The following SLC9A9 variants were observed in gnomAD, a reference collection of about 807,000 sequenced individuals.
The protein encoded by SLC9A9 is solute carrier family 9 member A9, also known as sodium/hydrogen exchanger 9.
A neutral mutation model predicts 77.8 loss-of-function variants in SLC9A9; 62 were observed. The observed-to-expected ratio is 0.80, with a 90% CI of 0.65 to 0.98. The LOEUF (loss-of-function observed/expected upper bound fraction) is 0.98, where lower values mean the gene tolerates loss of function less well. SLC9A9 is among the 50% of genes least tolerant of loss of function. SLC9A9 has a pLI of 0.00. For synonymous variants in SLC9A9, 320 were observed against 283.5 expected, an observed-to-expected ratio of 1.13 and a Z score of -1.29; for missense variants, 775 against 774.9, an observed-to-expected ratio of 1.00 and a Z score of 0.00.
At chr3:143,725,652 C>A (rs568585093) in intron 4 of SLC9A9, among the ~76,000 whole-genome samples, 1 of 134,650 alleles carries the variant, frequency 7.4e-6, no homozygotes, top group Non-Finnish European at 1.6e-5. Context: ...AACCAAACAC[C>A]GCATGTTCTC....
chr3:143,537,968 A>G (rs1433050807), intron 9 of SLC9A9, among the ~76,000 whole-genome samples: 1 of 152,226 alleles, frequency 6.6e-6, no homozygotes, highest in African/African-American at 2.4e-5. Flanking sequence ...TTTCACACAT[A>G]TATCACTACA....
At chr3:143,488,184 T>C (rs1349560428) in intron 11 of SLC9A9, among the ~76,000 whole-genome samples, 3 of 151,820 alleles carry the variant, frequency 2.0e-5, no homozygotes, top group Non-Finnish European at 4.4e-5. Context: ...AATACAAAGC[T>C]TACCAAGATT....
chr3:143,393,006 A>T lies in SLC9A9; in HGVS notation c.1470-10892T>A, dbSNP rs147384629. 4.2e-3 allele frequency among the ~76,000 whole-genome samples: 647 copies of T among 152,338 alleles called. 4 individuals are homozygous for T. Among genetic ancestry groups the T allele is most frequent in the African/African-American group, 0.015 (616 of 41,576 alleles). On this transcript the variant is annotated intron_variant, in intron 12 of 15. Coordinates refer to ENST00000316549, the MANE Select transcript of SLC9A9 (RefSeq NM_173653.4). ...CACACAATAATAATGGGAGACTTTA[A>T]CACCCCACTGTCAATATTAGACAGA...
intron 6 of SLC9A9, among the ~76,000 whole-genome samples, chr3:143,597,367 C>A (rs1309428834): frequency 6.6e-6 from 1 of 152,196 alleles, no homozygotes; most frequent in Non-Finnish European, 1.5e-5. Flanking sequence ...AGCTGTCCTT[C>A]TTGCAGACAG....
intron 6 of SLC9A9, among the ~76,000 whole-genome samples, chr3:143,638,842 C>A (rs2038573081): frequency 6.6e-6 from 1 of 152,174 alleles, no homozygotes; most frequent in African/African-American, 2.4e-5. Context: ...TAAGGCAGAG[C>A]CCACATAAAA....
chr3:143,654,779 A>G (rs979618290), intron 5 of SLC9A9, among the ~76,000 whole-genome samples: 6 of 152,186 alleles, frequency 3.9e-5, no homozygotes, highest in African/African-American at 9.7e-5. Flanking sequence ...TCCTAGGCCC[A>G]GGAAAAGGAA....
chr3:143,394,085 C>T (rs1172164178), intron 12 of SLC9A9, among the ~76,000 whole-genome samples: 2 of 152,142 alleles, frequency 1.3e-5, no homozygotes, highest in East Asian at 3.9e-4. Flanking sequence ...GAGGGAATCC[C>T]CCCTAACTCA....
chr3:143,558,915 C>T (rs903114005), intron 8 of SLC9A9, among the ~76,000 whole-genome samples: 4 of 152,120 alleles, frequency 2.6e-5, no homozygotes, highest in Non-Finnish European at 4.4e-5. Flanking sequence ...CTAATCTTGA[C>T]TTATAGTTCC....
intron 4 of SLC9A9, among the ~76,000 whole-genome samples, chr3:143,751,629 T>C (rs2108825140): frequency 6.6e-6 from 1 of 152,256 alleles, no homozygotes; most frequent in Non-Finnish European, 1.5e-5. Context: ...CCACCGCTTC[T>C]TTCCACAGGT....
At chr3:143,292,047 G>C (rs865901503) in intron 14 of SLC9A9, among the ~76,000 whole-genome samples, 1 of 152,178 alleles carries the variant, frequency 6.6e-6, no homozygotes. Flanking sequence ...GCTTGTCCTG[G>C]TCTAACCTGC....
At chr3:143,536,417 G>A (rs2036589201) in intron 9 of SLC9A9, among the ~76,000 whole-genome samples, 1 of 152,120 alleles carries the variant, frequency 6.6e-6, no homozygotes, top group African/African-American at 2.4e-5. Flanking sequence ...TTCACTAACT[G>A]GCACCTATTA....
intron 9 of SLC9A9, chr3:143,503,510 C>A (rs1354879961): frequency 5.2e-6 from 2 of 381,588 alleles, no homozygotes; most frequent in South Asian, 2.0e-5. Context: ...ATGATGTCAT[C>A]ATATTTGGCA....
chr3:143,718,313 A>G (rs1219229577), intron 4 of SLC9A9, among the ~76,000 whole-genome samples: 1 of 152,072 alleles, frequency 6.6e-6, no homozygotes, highest in East Asian at 1.9e-4. Context: ...CCTGTTACAT[A>G]TTTCTCTCCC....
At chr3:143,339,459 C>T (rs568196939) in intron 14 of SLC9A9, among the ~76,000 whole-genome samples, 1 of 152,302 alleles carries the variant, frequency 6.6e-6, no homozygotes, top group South Asian at 2.1e-4. Context: ...CTGCTTGAAT[C>T]CCAGGCTGCT....
At chr3:143,523,407 A>T (rs1353013353) in intron 9 of SLC9A9, among the ~76,000 whole-genome samples, 1 of 152,186 alleles carries the variant, frequency 6.6e-6, no homozygotes, top group East Asian at 1.9e-4. Context: ...AAAATCAATA[A>T]GTAAAAACAA....
chr3:143,749,962 G>A (rs2006656860), intron 4 of SLC9A9, among the ~76,000 whole-genome samples: 1 of 152,082 alleles, frequency 6.6e-6, no homozygotes, highest in Non-Finnish European at 1.5e-5. Context: ...TCTAAATTAC[G>A]CAGGCTCTCC....
intron 11 of SLC9A9, among the ~76,000 whole-genome samples, chr3:143,470,660 T>A (rs1576519377): frequency 6.6e-6 from 1 of 152,166 alleles, no homozygotes; most frequent in South Asian, 2.1e-4. Context: ...TGTAGTTTTT[T>A]AACTTTGTGT....
chr3:143,265,898 G>GA lies in SLC9A9; in HGVS notation c.*803dup. 1 of 607,704 alleles carries GA rather than the reference G, an allele frequency of 1.6e-6. No individual in the cohort carries two copies. The highest frequency in any genetic ancestry group is 1.9e-5 in the African/African-American group (1 of 54,024). The allele number at this position is 607,704 out of a possible 1,614,324, so 37.6% of individuals were successfully genotyped here. ...CTCCAGCATATCGCGGGGAGGGGGG[G>GA]ACCTGCTGCACAGCCAAGAAGTGAC... On this transcript the variant is annotated 3_prime_UTR_variant, in exon 16 of 16. Transcript: ENST00000316549.
Position 143,266,914 on chromosome 3 carries a change from C to T in SLC9A9, c.1726G>A (p.Asp576Asn). ...PQAYGEQLKE[D>N]DVECIVNQDE... The stretch of plus-strand genomic sequence containing the variant: ...TGGTTTACAATGCATTCCACATCAT[C>T]CTCTTTTAGCTGTTCCTGGTTGGGA... Residue 576 changes from aspartate (D) to asparagine (N), a missense_variant, in exon 16 of 16, where the codon GAT becomes AAT. Transcript: ENST00000316549. 6.2e-7 allele frequency: 1 copy of T among 1,613,998 alleles called. No homozygotes were observed. Among genetic ancestry groups the T allele is most frequent in the Non-Finnish European group, 8.5e-7 (1 of 1,179,922 alleles).
Sources: allele counts gnomAD v4.1 joint callset (sites outside exome capture counted in the v4.1 genomes callset), GRCh38; gene constraint gnomAD v4.1.1; transcripts MANE v1.5; gene names NCBI Gene and HGNC (gene_info 2026-07-23, HGNC 2026-07-21).